The following NR3C2 variants were observed in gnomAD, a reference collection of about 807,000 sequenced individuals.
The protein encoded by NR3C2 is nuclear receptor subfamily 3 group C member 2.
A neutral mutation model predicts 86.4 loss-of-function variants in NR3C2; 15 were observed. The observed-to-expected ratio is 0.17, with a 90% CI of 0.12 to 0.27. The LOEUF (loss-of-function observed/expected upper bound fraction) is 0.27. Among genes scored for constraint, NR3C2 ranks in the 10% least tolerant of loss-of-function variants. The pLI, the probability that NR3C2 is intolerant of heterozygous loss-of-function variation, is 1.00. For synonymous variants in NR3C2, 458 were observed against 450.5 expected (o/e 1.02, Z -0.21); for missense variants, 960 against 1,195.6 (o/e 0.80, Z 2.91).
At chr4:148,102,164 G>A (rs1453336133) in intron 8 of NR3C2, among the ~76,000 whole-genome samples, 2 of 152,078 alleles carry the variant, frequency 1.3e-5, no homozygotes, top group Non-Finnish European at 2.9e-5. Context: ...TAGCAGCAGC[G>A]CTTTCCCAGA....
upstream of NR3C2, chr4:148,444,363 A>G: frequency 1.0e-6 from 1 of 985,138 alleles, no homozygotes; most frequent in Non-Finnish European, 1.2e-6. Context: ...CCCTTGCCCC[A>G]GGGCCGCCAG....
At chr4:148,388,049 C>G (rs1200196356) in intron 2 of NR3C2, among the ~76,000 whole-genome samples, 2 of 152,172 alleles carry the variant, frequency 1.3e-5, no homozygotes, top group East Asian at 3.9e-4. Flanking sequence ...CCCAAGAATT[C>G]TGAACTGCCA....
chr4:148,132,480 G>A (rs560192351), intron 6 of NR3C2, among the ~76,000 whole-genome samples: 77 of 152,318 alleles, frequency 5.1e-4, no homozygotes, highest in Non-Finnish European at 1.0e-3. Context: ...AGGGGCCTTG[G>A]TACAGGGAAA....
At chr4:148,235,573 A>G (rs1050432507) in intron 3 of NR3C2, among the ~76,000 whole-genome samples, 6 of 152,068 alleles carry the variant, frequency 3.9e-5, no homozygotes, top group African/African-American at 1.4e-4. Context: ...ATGTGATTGT[A>G]TTTTTTTCAC....
At chr4:148,221,686 A>G (rs959688262) in intron 3 of NR3C2, among the ~76,000 whole-genome samples, 12 of 152,226 alleles carry the variant, frequency 7.9e-5, no homozygotes, top group African/African-American at 2.9e-4. Context: ...TGAGGCCAGG[A>G]ATTTGAGACC....
Position 148,435,817 on chromosome 4 carries a change from G to C in NR3C2, c.1044C>G (p.Thr348=). 6.2e-7 allele frequency: 1 copy of C among 1,614,212 alleles called. No homozygotes were observed. Among genetic ancestry groups the C allele is most frequent in the East Asian group, 2.2e-5 (1 of 44,886 alleles). Residue 348 remains threonine, a synonymous_variant, in exon 2 of 9, where the codon ACC becomes ACG. Coordinates refer to ENST00000358102, the MANE Select transcript of NR3C2 (RefSeq NM_000901.5). ...CCCGCAATGTACTGGATCCAGCAGA[G>C]GTGCCAGAAGCAGTGTAGCTGAAGG... ...NNAFSYTASG[T]SAGSSTLRDV...
At position 148,194,843 on chromosome 4, in the gene NR3C2, A is replaced by G. The variant is rs772018077; in HGVS notation, c.1917T>C (p.Cys639=). 13 of 1,611,476 alleles carry G rather than the reference A, an allele frequency of 8.1e-6. No homozygotes were observed. In the Admixed American group the frequency reaches 1.7e-4, roughly 21 times the overall value. ...CAATGATGCAATCATTTCTTCCAGC[A>G]CATAAATAGTTGTGTTGCCCTGATT... is the stretch of plus-strand genomic sequence containing the variant. ...RAVEGQHNYL[C]AGRNDCIIDK... The change falls in exon 4 of 9, where the codon TGT becomes TGC. Residue 639 remains cysteine, a synonymous_variant. Coordinates refer to ENST00000358102, the MANE Select transcript of NR3C2 (RefSeq NM_000901.5).
At chr4:148,228,311 T>C (rs1738283221) in intron 3 of NR3C2, among the ~76,000 whole-genome samples, 1 of 152,128 alleles carries the variant, frequency 6.6e-6, no homozygotes, top group Non-Finnish European at 1.5e-5. Context: ...GTACTTTGCT[T>C]TTTCCAGTGA....
chr4:148,414,382 A>G (rs1272897393), intron 2 of NR3C2, among the ~76,000 whole-genome samples: 1 of 152,190 alleles, frequency 6.6e-6, no homozygotes. Flanking sequence ...ATCTGAACCC[A>G]ATGAAAAATT....
At chr4:148,133,365 T>C (rs924345160) in intron 6 of NR3C2, among the ~76,000 whole-genome samples, 2 of 152,162 alleles carry the variant, frequency 1.3e-5, no homozygotes, top group African/African-American at 4.8e-5. Context: ...ATATTATTGC[T>C]TCATACAGGG....
chr4:148,219,621 ACTC>A (rs1408742272), intron 3 of NR3C2, among the ~76,000 whole-genome samples: 1 of 151,940 alleles, frequency 6.6e-6, no homozygotes, highest in African/African-American at 2.4e-5. Flanking sequence ...CTCTTAAAAT[ACTC>A]CTCTCTTTTG....
At chr4:148,198,887 T>C (rs763485115) in intron 3 of NR3C2, among the ~76,000 whole-genome samples, 81 of 151,618 alleles carry the variant, frequency 5.3e-4, no homozygotes, top group Middle Eastern at 3.4e-3. Context: ...GAGACTATCC[T>C]GGCTAACACG....
chr4:148,365,750 G>A (rs1258566693), intron 2 of NR3C2, among the ~76,000 whole-genome samples: 1 of 29,778 alleles, frequency 3.4e-5, no homozygotes, highest in Non-Finnish European at 5.7e-5. Flanking sequence ...CAAAGTCACA[G>A]TTTTTCTTAT....
At chr4:148,319,453 T>C (rs1743426542) in intron 2 of NR3C2, among the ~76,000 whole-genome samples, 2 of 151,880 alleles carry the variant, frequency 1.3e-5, no homozygotes, top group South Asian at 4.2e-4. Context: ...ATTGAATCTA[T>C]AAATTACCTT....
upstream of NR3C2, among the ~76,000 whole-genome samples, chr4:148,443,222 C>CAA (rs59506438): frequency 0.03 from 1,207 of 40,832 alleles, 108 homozygotes; most frequent in African/African-American, 0.049. Flanking sequence ...CCCCTAACAC[C>CAA]AAAAAAAAAA....
intron 2 of NR3C2, among the ~76,000 whole-genome samples, chr4:148,297,437 G>T (rs1247868288): frequency 2.0e-5 from 3 of 151,990 alleles, no homozygotes; most frequent in Non-Finnish European, 4.4e-5. Context: ...ATCAACCATA[G>T]AATTCTTTTA....
intron 3 of NR3C2, among the ~76,000 whole-genome samples, chr4:148,250,300 A>T (rs1453895464): frequency 5.9e-5 from 9 of 152,162 alleles, no homozygotes; most frequent in Non-Finnish European, 1.2e-4. Flanking sequence ...TGAAAGACTG[A>T]CATCTTTTTT....
rs72656877 is a variant in NR3C2, at chr4:148,384,315, T to C, written c.1757+50789A>G. Among the ~76,000 whole-genome samples, 279 of 152,320 alleles carry C rather than the reference T, an allele frequency of 1.8e-3. 2 individuals carry two copies. The highest frequency in any genetic ancestry group is 6.5e-3 in the African/African-American group (270 of 41,582). ...GTAGTGATTTTATTTCTTATTCTTA[T>C]ATATGTCTCATACAGTATAAATCTT... On this transcript the variant is annotated intron_variant, in intron 2 of 8. Transcript: ENST00000358102.
chr4:148,224,714 G>A (rs1427119264), intron 3 of NR3C2, among the ~76,000 whole-genome samples: 1 of 152,174 alleles, frequency 6.6e-6, no homozygotes, highest in Non-Finnish European at 1.5e-5. Context: ...AGAAAACTGT[G>A]AAGCTTCTGA....
Sources: allele counts gnomAD v4.1 joint callset (sites outside exome capture counted in the v4.1 genomes callset), GRCh38; gene constraint gnomAD v4.1.1; transcripts MANE v1.5; gene names NCBI Gene and HGNC (gene_info 2026-07-23, HGNC 2026-07-21).